The following PCDH18 variants were observed in gnomAD, a reference collection of about 807,000 sequenced individuals.
The protein encoded by PCDH18 is protocadherin-18.
A neutral mutation model predicts 71.5 loss-of-function variants in PCDH18; 38 were observed. The observed-to-expected ratio is 0.53, with a 90% CI of 0.41 to 0.70. The LOEUF is 0.70. Among genes scored for constraint, PCDH18 ranks in the 30% least tolerant of loss-of-function variants. The probability of loss-of-function intolerance (pLI) is 0.00; values close to 1 mark genes in which losing one functional copy is unlikely to be tolerated. For missense variants in PCDH18, 1,334 were observed against 1,384.6 expected (o/e 0.96, Z 0.58); for synonymous variants, 565 against 505.4 (o/e 1.12, Z -1.58).
At chr4:137,528,372 G>C in intron 3 of PCDH18, 106 bp downstream of exon 3, 1 of 842,176 alleles carries the variant, frequency 1.2e-6, no homozygotes, top group Non-Finnish European at 1.9e-6. Flanking sequence ...AAATACTTTA[G>C]TGCAAGGGAC....
chr4:137,519,673 A>C lies in PCDH18; in HGVS notation c.*1356T>G, dbSNP rs1731234643. 1 of 152,214 alleles carries C rather than the reference A, an allele frequency of 6.6e-6. No homozygotes were observed. The highest frequency in any genetic ancestry group is 2.1e-4 in the South Asian group (1 of 4,830). 9.4% of individuals were successfully genotyped at this position (152,214 alleles called of 1,614,324 possible). On this transcript the variant is annotated 3_prime_UTR_variant, in exon 4 of 4. Transcript: ENST00000344876. The stretch of plus-strand genomic sequence containing the variant: ...AGCTTTTGAACAAATATGTAGGAAC[A>C]GGACTCTGACTTATAGACAGTTCCT...
In PCDH18 at chr4:137,528,482, T is replaced by G; in HGVS notation, c.2736A>C (p.Pro912=). Reference sequence around the variant, plus strand: ...TTTCTATCACTACCCTCTTACCTGCTGGAATTCTTCCATCTGTGAGAAACA... The same window carrying G: ...TTTCTATCACTACCCTCTTACCTGCGGGAATTCTTCCATCTGTGAGAAACA... ...SDLFLTDGRI[P]AAMRLCTEEC... is the part of the protein sequence containing the mutation. The change falls in exon 3 of 4, where the codon CCA becomes CCC. Residue 912 remains proline, a synonymous_variant. Transcript: ENST00000344876. The G allele has an allele frequency of 6.2e-7, 1 of 1,613,754 alleles. No individual in the cohort carries two copies. Among genetic ancestry groups the G allele is most frequent in the Admixed American group, 1.7e-5 (1 of 59,990 alleles).
chr4:137,532,168 G>T lies in PCDH18; in HGVS notation c.-80C>A. 9.1e-7 allele frequency: 1 copy of T among 1,098,686 alleles called. No homozygotes were observed. Among genetic ancestry groups the T allele is most frequent in the Non-Finnish European group, 1.4e-6 (1 of 712,478 alleles). 68.1% of individuals were successfully genotyped at this position (1,098,686 alleles called of 1,614,324 possible). A position where few individuals can be genotyped will look rare whatever the true frequency, so the allele number is the denominator to read the frequency against. The stretch of plus-strand genomic sequence containing the variant: ...CCTCAACTTCCTTTGGCAACGTAAA[G>T]CTACATTTGGTACTTGAAACTTGAA... On this transcript the variant is annotated 5_prime_UTR_variant, in exon 1 of 4. Transcript: ENST00000344876.
rs1211670787 is a variant in PCDH18, at chr4:137,530,327, T to C, written c.1762A>G (p.Ile588Val). Residue 588 changes from isoleucine to valine, a missense_variant, in exon 1 of 4, where the codon ATC becomes GTC. Physicochemically the swap from Ile to Val is conservative, Grantham distance 29. Transcript: ENST00000344876. ...CTTTCAGCCCCTTTGGGAATGGTGA[T>C]TTCTGCCGTATTATTACGCAATGCA... ...GPALRNNTAEITIPKGAESGF... is the reference protein window; with the variant it reads ...GPALRNNTAEVTIPKGAESGF... 1.2e-6 allele frequency: 2 copies of C among 1,613,380 alleles called. No homozygotes were observed. The highest frequency in any genetic ancestry group is 2.2e-5 in the East Asian group (1 of 44,874).
chr4:137,528,759 C>T lies in PCDH18; in HGVS notation c.2549G>A (p.Arg850Gln), dbSNP rs1430122137. Residue 850 changes from arginine to glutamine, a missense_variant, in exon 2 of 4, where the codon CGA becomes CAA. Around this residue, in one of 3 missense-constraint regions of PCDH18, gnomAD observed 1,011 missense variants for 1,048.0 expected, o/e 0.96. Transcript: ENST00000344876. ...QGQYQPRPSF[R>Q]GNKYSRSYRY... ...GTAGCTCCTGGAATATTTGTTTCCT[C>T]GAAAACTTGGTCTTGGCTGATATTG... 8.7e-6 allele frequency: 14 copies of T among 1,613,596 alleles called. No homozygotes were observed. The highest frequency in any genetic ancestry group is 1.1e-5 in the South Asian group (1 of 91,060).
chr4:137,526,511 G>T (rs1289621245), intron 3 of PCDH18, among the ~76,000 whole-genome samples: 3 of 152,080 alleles, frequency 2.0e-5, no homozygotes, highest in Admixed American at 6.6e-5. Context: ...TGAGCAAAGT[G>T]TCTGATTCTA....
In PCDH18 at chr4:137,531,536, C is replaced by G; in HGVS notation, c.553G>C (p.Glu185Gln). Residue 185 changes from glutamate to glutamine, a missense_variant, in exon 1 of 4, where the codon GAG becomes CAG. Glu to Gln is a conservative substitution (Grantham distance 29). Around this residue, in one of 3 missense-constraint regions of PCDH18, gnomAD observed 1,011 missense variants for 1,048.0 expected, o/e 0.96. Transcript: ENST00000344876. ...GCTCCATCAGTCCTGGTCCGAACCTCGATATTAAAAAAATCATTGGCAGAG... is the reference window on the plus strand; with the variant it reads ...GCTCCATCAGTCCTGGTCCGAACCTGGATATTAAAAAAATCATTGGCAGAG... ...SLSANDFFNI[E>Q]VRTRTDGAKY... 1.9e-6 allele frequency: 3 copies of G among 1,613,078 alleles called. No individual in the cohort carries two copies. Among genetic ancestry groups the G allele is most frequent in the Non-Finnish European group, 1.7e-6 (2 of 1,179,586 alleles).
Position 137,530,865 on chromosome 4 carries a change from C to T in PCDH18, c.1224G>A (p.Gln408=), listed in dbSNP as rs141359488. The change falls in exon 1 of 4, where the codon CAG becomes CAA. Residue 408 remains glutamine (Q), a synonymous_variant. Coordinates refer to ENST00000344876, the MANE Select transcript of PCDH18 (RefSeq NM_019035.5). ...KLHGHGHFKL[Q]KTYENNYLIL... ...TTAAATAATTGTTTTCATATGTCTTCTGAAGTTTAAAGTGACCATGTCCAT... is the reference window on the plus strand; with the variant it reads ...TTAAATAATTGTTTTCATATGTCTTTTGAAGTTTAAAGTGACCATGTCCAT... 242 of 1,610,656 alleles carry T rather than the reference C, an allele frequency of 1.5e-4. No homozygotes were observed. The highest frequency in any genetic ancestry group is 5.0e-4 in the Middle Eastern group (3 of 6,054).
Position 137,529,834 on chromosome 4 carries a change from CG to C in PCDH18, c.2254del (p.Arg752GlyfsTer14). 6.2e-7 allele frequency: 1 copy of C among 1,610,740 alleles called. No homozygotes were observed. Among genetic ancestry groups the C allele is most frequent in the Non-Finnish European group, 8.5e-7 (1 of 1,177,780 alleles). On this transcript the variant is annotated frameshift_variant, in exon 1 of 4. Transcript: ENST00000344876. LOFTEE classifies it high-confidence loss of function. ...TGTGATGTCCCCTTTGTGAATCTGCCGGGATGGCCTTTTTGGGTGGTGCTGG... is the reference window on the plus strand; with the variant it reads ...TGTGATGTCCCCTTTGTGAATCTGCCGGATGGCCTTTTTGGGTGGTGCTGG... ...TYQHHPKRPS[R>X]QIHKGDITLV...
In PCDH18 at chr4:137,531,538, A is replaced by G; in HGVS notation, c.551T>C (p.Ile184Thr). The change falls in exon 1 of 4, where the codon ATC becomes ACC. Residue 184 changes from isoleucine (I) to threonine (T), a missense_variant. Ile to Thr is a moderately conservative substitution (Grantham distance 89). Coordinates refer to ENST00000344876, the MANE Select transcript of PCDH18 (RefSeq NM_019035.5). ...YSLSANDFFNIEVRTRTDGAK... is the reference protein window; with the variant it reads ...YSLSANDFFNTEVRTRTDGAK... The stretch of plus-strand genomic sequence containing the variant: ...TCCATCAGTCCTGGTCCGAACCTCG[A>G]TATTAAAAAAATCATTGGCAGAGAG... 1 of 1,613,422 alleles carries G rather than the reference A, an allele frequency of 6.2e-7. No homozygotes were observed. The highest frequency in any genetic ancestry group is 2.2e-5 in the East Asian group (1 of 44,858).
At position 137,531,866 on chromosome 4, in the gene PCDH18, G is replaced by A; in HGVS notation, c.223C>T (p.Pro75Ser). The A allele has an allele frequency of 3.1e-6, 5 of 1,614,032 alleles. No homozygotes were observed. The highest frequency in any genetic ancestry group is 4.2e-6 in the Non-Finnish European group (5 of 1,179,942). Residue 75 changes from proline (P) to serine (S), a missense_variant, in exon 1 of 4, where the codon CCT (proline) becomes TCT (serine). Pro to Ser is a moderately conservative substitution (Grantham distance 74, BLOSUM62 -1). Transcript: ENST00000344876. ...RFRAMQRGNS[P>S]LLVVNEDNGE... ...TTATCCTCGTTTACTACAAGTAGAG[G>A]AGAATTTCCCCTCTGCATGGCTCGA...
Position 137,530,703 on chromosome 4 carries a change from T to C in PCDH18, c.1386A>G (p.Pro462=). Reference sequence around the variant, plus strand: ...CATATCGGCTTCTCTGGAAGTGGGGTGGATTGTCATTGATATCATTGATTT... The same window carrying C: ...CATATCGGCTTCTCTGGAAGTGGGGCGGATTGTCATTGATATCATTGATTT... The part of the protein sequence containing the change: ...TVQINDINDN[P]PHFQRSRYEF... The change falls in exon 1 of 4, where the codon CCA becomes CCG. Residue 462 remains proline (P), a synonymous_variant. Coordinates refer to ENST00000344876, the MANE Select transcript of PCDH18 (RefSeq NM_019035.5). The C allele has an allele frequency of 6.2e-7, 1 of 1,612,752 alleles. No individual in the cohort carries two copies. Among genetic ancestry groups the C allele is most frequent in the Non-Finnish European group, 8.5e-7 (1 of 1,179,336 alleles).
In PCDH18 at chr4:137,530,120, T is replaced by C. The variant is rs1398780756; in HGVS notation, c.1969A>G (p.Ile657Val). The change falls in exon 1 of 4, where the codon ATC (isoleucine) becomes GTC (valine). Residue 657 changes from isoleucine (I) to valine (V), a missense_variant. Ile to Val is a conservative substitution (Grantham distance 29). Coordinates refer to ENST00000344876, the MANE Select transcript of PCDH18 (RefSeq NM_019035.5). Reference sequence around the variant, plus strand: ...TGAGGATTGCCTTTGTCCTGAATGATAACTGACAGCTCCCATTCTGTGTAG... The same window carrying C: ...TGAGGATTGCCTTTGTCCTGAATGACAACTGACAGCTCCCATTCTGTGTAG... ...VPYTEWELSV[I>V]IQDKGNPQLH... 6.2e-7 allele frequency: 1 copy of C among 1,613,274 alleles called. No homozygotes were observed. Among genetic ancestry groups the C allele is most frequent in the Admixed American group, 1.7e-5 (1 of 59,996 alleles).
chr4:137,530,711 C>T lies in PCDH18; in HGVS notation c.1378G>A (p.Asp460Asn). The change falls in exon 1 of 4, where the codon GAC becomes AAC. Residue 460 changes from aspartate to asparagine, a missense_variant. By Grantham distance (23) the Asp-to-Asn change is conservative. Transcript: ENST00000344876. ...HFTVQINDINDNPPHFQRSRY... is the reference protein window; with the variant it reads ...HFTVQINDINNNPPHFQRSRY... ...CTTCTCTGGAAGTGGGGTGGATTGT[C>T]ATTGATATCATTGATTTGAACTGTA... 6.2e-7 allele frequency: 1 copy of T among 1,612,992 alleles called. No homozygotes were observed. The highest frequency in any genetic ancestry group is 8.5e-7 in the Non-Finnish European group (1 of 1,179,396).
rs753219416 is a variant in PCDH18, at chr4:137,530,410, G to C, written c.1679C>G (p.Thr560Ser). Residue 560 changes from threonine to serine, a missense_variant, in exon 1 of 4, where the codon ACC becomes AGC. By Grantham distance (58) the Thr-to-Ser change is moderately conservative. Coordinates refer to ENST00000344876, the MANE Select transcript of PCDH18 (RefSeq NM_019035.5). ...GTCAATGATGGTGAGCACAACTGTGGTATTGCTTACCAGTTGCTTCGGGCT... is the reference window on the plus strand; with the variant it reads ...GTCAATGATGGTGAGCACAACTGTGCTATTGCTTACCAGTTGCTTCGGGCT... ...GGSPKQLVSNTTVVLTIIDEN... is the reference protein window; with the variant it reads ...GGSPKQLVSNSTVVLTIIDEN... 6.2e-7 allele frequency: 1 copy of C among 1,614,080 alleles called. No individual in the cohort carries two copies. The highest frequency in any genetic ancestry group is 1.1e-5 in the South Asian group (1 of 91,082).
intron 3 of PCDH18, among the ~76,000 whole-genome samples, chr4:137,526,943 T>C (rs892145442): frequency 1.4e-5 from 2 of 147,544 alleles, no homozygotes; most frequent in African/African-American, 5.0e-5. Context: ...TTTATAACTT[T>C]CAGTTTCCAA....
intron 2 of PCDH18, 23 bp from the exon 3 acceptor site, chr4:137,528,664 A>C (rs1483046875): frequency 6.2e-7 from 1 of 1,613,016 alleles, no homozygotes; most frequent in Admixed American, 1.7e-5. Context: ...ATCACAAAAA[A>C]AAATTACAGT....
At chr4:137,529,394 A>G in intron 1 of PCDH18, 1 of 466,856 alleles carries the variant, frequency 2.1e-6, no homozygotes, top group Non-Finnish European at 3.8e-6. Flanking sequence ...TACACATATT[A>G]TATGAAGTTA....
chr4:137,530,354 G>T lies in PCDH18; in HGVS notation c.1735C>A (p.Pro579Thr). Residue 579 changes from proline (P) to threonine (T), a missense_variant, in exon 1 of 4, where the codon CCT (proline) becomes ACT (threonine). Around this residue, in one of 3 missense-constraint regions of PCDH18, gnomAD observed 1,011 missense variants for 1,048.0 expected, o/e 0.96. Transcript: ENST00000344876. ...ENDNVPVVIG[P>T]ALRNNTAEIT... ...TCTGCCGTATTATTACGCAATGCAGGCCCTATAACCACAGGAACGTTGTCA... is the reference window on the plus strand; with the variant it reads ...TCTGCCGTATTATTACGCAATGCAGTCCCTATAACCACAGGAACGTTGTCA... The T allele has an allele frequency of 6.2e-7, 1 of 1,613,788 alleles. No homozygotes were observed. Among genetic ancestry groups the T allele is most frequent in the Non-Finnish European group, 8.5e-7 (1 of 1,179,820 alleles).
Sources: allele counts gnomAD v4.1 joint callset (sites outside exome capture counted in the v4.1 genomes callset), GRCh38; gene constraint gnomAD v4.1.1; regional missense constraint gnomAD v4.1.1; transcripts MANE v1.5; gene names NCBI Gene and HGNC (gene_info 2026-07-23, HGNC 2026-07-21).